Variants in DIAPH2 observed in about 807,000 individuals in gnomAD.
The protein encoded by DIAPH2 is protein diaphanous homolog 2.
In DIAPH2, 35 loss-of-function variants were observed where a neutral mutation model predicts 92.7. The ratio of observed to expected loss-of-function variants is 0.38; its 90% CI spans 0.29 to 0.50. DIAPH2 has a LOEUF of 0.50. Ranked by LOEUF, DIAPH2 falls within the 20% of genes least tolerant of loss-of-function variation. The pLI is 0.94. For synonymous variants in DIAPH2, 301 were observed against 280.4 expected (o/e 1.07, Z -0.73); for missense variants, 701 against 819.5 (o/e 0.86, Z 1.77).
At chrX:97,526,921 C>T (rs2147848598) in intron 26 of DIAPH2, among the ~76,000 whole-genome samples, 1 of 111,220 alleles carries the variant, frequency 9.0e-6, no homozygotes, top group African/African-American at 3.3e-5. Flanking sequence ...TCCAACATGT[C>T]AGTACGTACT....
chrX:97,369,203 C>T (rs963477543), intron 24 of DIAPH2, among the ~76,000 whole-genome samples: 4 of 111,832 alleles, frequency 3.6e-5, no homozygotes, highest in Non-Finnish European at 7.5e-5. Context: ...CCACCGCGAC[C>T]AGCCAGAATC....
intron 22 of DIAPH2, 65 bp downstream of exon 22, chrX:97,141,859 G>T: frequency 9.4e-7 from 1 of 1,065,260 alleles, no homozygotes; most frequent in Admixed American, 3.2e-5. Flanking sequence ...AACAATTAAA[G>T]AATCTGTAAA....
intron 26 of DIAPH2, among the ~76,000 whole-genome samples, chrX:97,578,250 G>A (rs1304608606): frequency 1.6e-4 from 17 of 107,447 alleles, no homozygotes; most frequent in Non-Finnish European, 3.1e-4. Context: ...TACATGTGCC[G>A]TGCTGGTGTG....
intron 23 of DIAPH2, among the ~76,000 whole-genome samples, chrX:97,250,939 AAAAAAC>A (rs745485170): frequency 3.0e-4 from 33 of 111,854 alleles, no homozygotes; most frequent in Admixed American, 1.5e-3. Flanking sequence ...AAACATAGAC[AAAAAAC>A]AAAAACAAAA....
intron 21 of DIAPH2, among the ~76,000 whole-genome samples, chrX:97,137,670 G>A (rs937369078): frequency 2.7e-5 from 3 of 110,816 alleles, no homozygotes; most frequent in African/African-American, 9.9e-5. Flanking sequence ...AGAGCTGTTG[G>A]TGCAAAAGCA....
At chrX:97,282,804 T>C (rs2068509920) in intron 23 of DIAPH2, among the ~76,000 whole-genome samples, 2 of 112,045 alleles carry the variant, frequency 1.8e-5, no homozygotes, top group South Asian at 7.4e-4. Flanking sequence ...TGGATTAATT[T>C]ATGCTCATGG....
intron 22 of DIAPH2, among the ~76,000 whole-genome samples, chrX:97,205,997 C>CT (rs2067793044): frequency 9.0e-6 from 1 of 111,424 alleles, no homozygotes; most frequent in South Asian, 3.8e-4. Context: ...AGATCATGTC[C>CT]TTTGCAGGGA....
At chrX:97,391,109 G>A (rs5967308) in intron 25 of DIAPH2, among the ~76,000 whole-genome samples, 42,066 of 110,269 alleles carry the variant, frequency 0.38, 5,794 homozygotes, top group East Asian at 0.56. Context: ...CATTGCAAGT[G>A]TGTAGTTTTA....
At chrX:96,777,904 TAA>T (rs1055906738) in intron 4 of DIAPH2, among the ~76,000 whole-genome samples, 11 of 110,881 alleles carry the variant, frequency 9.9e-5, no homozygotes, top group African/African-American at 3.0e-4. Context: ...TATTATACTT[TAA>T]GTTTTAGGGT....
At chrX:96,942,907 A>G (rs1448896109) in intron 13 of DIAPH2, among the ~76,000 whole-genome samples, 1 of 111,980 alleles carries the variant, frequency 8.9e-6, no homozygotes, top group Non-Finnish European at 1.9e-5. Flanking sequence ...TGCCAATTAT[A>G]TATTATTTTT....
intron 4 of DIAPH2, among the ~76,000 whole-genome samples, chrX:96,787,865 C>CT (rs200553222): frequency 1.8e-4 from 18 of 98,036 alleles, no homozygotes; most frequent in East Asian, 6.4e-4. Flanking sequence ...TAATTTTTTT[C>CT]TTTTTTTTTT....
intron 23 of DIAPH2, among the ~76,000 whole-genome samples, chrX:97,340,191 C>T (rs2069100457): frequency 9.0e-6 from 1 of 111,553 alleles, no homozygotes; most frequent in Non-Finnish European, 1.9e-5. Context: ...CTGATCGTAC[C>T]AGTGCCTTCA....
At chrX:97,587,729 C>T (rs868805298) in intron 26 of DIAPH2, among the ~76,000 whole-genome samples, 2 of 111,789 alleles carry the variant, frequency 1.8e-5, no homozygotes, top group Admixed American at 9.5e-5. Flanking sequence ...GTAATATGAT[C>T]GTGATGCTAA....
chrX:97,366,222 A>G (rs910699691), intron 24 of DIAPH2, among the ~76,000 whole-genome samples: 8 of 112,032 alleles, frequency 7.1e-5, no homozygotes, highest in Non-Finnish European at 1.1e-4. Flanking sequence ...ATCTAATAAT[A>G]AATGGTCTTT....
At chrX:97,049,491 C>T (rs980554402) in intron 17 of DIAPH2, among the ~76,000 whole-genome samples, 2 of 111,106 alleles carry the variant, frequency 1.8e-5, no homozygotes, top group African/African-American at 3.3e-5. Context: ...GAAAACAATT[C>T]TTGATATTTG....
At chrX:97,172,407 C>T (rs2067460880) in intron 22 of DIAPH2, among the ~76,000 whole-genome samples, 1 of 111,489 alleles carries the variant, frequency 9.0e-6, no homozygotes, top group Non-Finnish European at 1.9e-5. Flanking sequence ...GTTGATGTTG[C>T]TTGGGATCAG....
At position 96,962,382 on chromosome X, in the gene DIAPH2, C is replaced by CACATATATATACACAT. The variant is rs1556310197; in HGVS notation, c.1936-2710_1936-2709insCATATATATACACATA. Reference sequence around the variant, plus strand: ...ATATATATACACATATATATATACACATATATATACACATATATATACACA... The same window carrying CACATATATATACACAT: ...ATATATATACACATATATATATACACACATATATATACACATATATATATACACATATATATACACA... On this transcript the variant is annotated intron_variant, in intron 16 of 26. Transcript: ENST00000324765. Among the ~76,000 whole-genome samples, 5 of 57,200 alleles carry CACATATATATACACAT rather than the reference C, an allele frequency of 8.7e-5. 1 individual carries two copies. Among genetic ancestry groups the CACATATATATACACAT allele is most frequent in the African/African-American group, 2.5e-4 (3 of 12,026 alleles). The allele number at this position is 57,200 out of a possible 115,157, so 49.7% of individuals were successfully genotyped here.
chrX:97,045,139 A>G (rs1253949261), intron 17 of DIAPH2, among the ~76,000 whole-genome samples: 1 of 112,114 alleles, frequency 8.9e-6, no homozygotes, highest in Non-Finnish European at 1.9e-5. Context: ...AACCAATAAT[A>G]CTTGCTGATG....
intron 26 of DIAPH2, among the ~76,000 whole-genome samples, chrX:97,584,835 G>T (rs1396555507): frequency 8.9e-6 from 1 of 112,684 alleles, no homozygotes; most frequent in East Asian, 2.8e-4. Context: ...TCAATTTTTA[G>T]ATAGTGAACA....
Sources: gnomAD v4.1 joint callset for allele counts (sites outside exome capture counted in the v4.1 genomes callset) on GRCh38, gnomAD v4.1.1 for gene constraint, MANE v1.5 for transcripts, NCBI Gene and HGNC (gene_info 2026-07-23, HGNC 2026-07-21) for gene names.